Variants in TBC1D5 observed in about 807,000 individuals in gnomAD.
TBC1D5 encodes TBC1 domain family member 5, also known as TBC1 domain family, member 5.
A neutral mutation model predicts 100.3 loss-of-function variants in TBC1D5; 75 were observed. That is an observed-to-expected ratio of 0.75 (90% CI 0.62 to 0.91). The LOEUF (loss-of-function observed/expected upper bound fraction) is 0.91, where lower values mean the gene tolerates loss of function less well. Among genes scored for constraint, TBC1D5 ranks in the 40% least tolerant of loss-of-function variants. The pLI, the probability that TBC1D5 is intolerant of heterozygous loss-of-function variation, is 0.00. For synonymous variants in TBC1D5, 323 were observed against 325.6 expected (o/e 0.99, Z 0.09); for missense variants, 910 against 942.4 (o/e 0.97, Z 0.45).
At chr3:17,289,254 G>A (rs1277351839) in intron 15 of TBC1D5, among the ~76,000 whole-genome samples, 1 of 152,192 alleles carries the variant, frequency 6.6e-6, no homozygotes, top group East Asian at 1.9e-4. Context: ...AGTCACAGCA[G>A]CCACAGGATC....
chr3:17,475,332 A>G (rs1443522757), intron 3 of TBC1D5, among the ~76,000 whole-genome samples: 2 of 152,048 alleles, frequency 1.3e-5, no homozygotes, highest in Non-Finnish European at 2.9e-5. Flanking sequence ...AGACGTCACC[A>G]TACAAGGCAA....
At chr3:17,340,180 G>C (rs902441630) in intron 13 of TBC1D5, among the ~76,000 whole-genome samples, 4 of 152,126 alleles carry the variant, frequency 2.6e-5, no homozygotes, top group Non-Finnish European at 5.9e-5. Context: ...AGAGTTCTGT[G>C]TTTCCATTTC....
At chr3:17,496,552 A>T (rs902469267) in intron 3 of TBC1D5, among the ~76,000 whole-genome samples, 2 of 152,184 alleles carry the variant, frequency 1.3e-5, no homozygotes, top group Non-Finnish European at 2.9e-5. Flanking sequence ...CATAAAATGG[A>T]CCATATAGAA....
At chr3:17,490,330 T>C (rs2095623190) in intron 3 of TBC1D5, among the ~76,000 whole-genome samples, 1 of 152,220 alleles carries the variant, frequency 6.6e-6, no homozygotes, top group South Asian at 2.1e-4. Flanking sequence ...GCAGAAGCTC[T>C]TTATTTTAAT....
At chr3:17,504,923 T>C (rs900687957) in intron 3 of TBC1D5, among the ~76,000 whole-genome samples, 3 of 152,226 alleles carry the variant, frequency 2.0e-5, no homozygotes, top group Admixed American at 2.0e-4. Flanking sequence ...ACCAATTTCT[T>C]CATTAATAAA....
In TBC1D5 at chr3:17,422,468, T is replaced by A. The variant is rs374185607; in HGVS notation, c.167+5982A>T. Among the ~76,000 whole-genome samples, 5 of 151,928 alleles carry A rather than the reference T, an allele frequency of 3.3e-5. No homozygotes were observed. In the East Asian group the frequency reaches 9.6e-4, roughly 29 times the overall value. On this transcript the variant is annotated intron_variant, in intron 4 of 21. Transcript: ENST00000253692. ...TCCAAAAGCGCTGAGATTACTGGGG[T>A]AAGCCACTGAGCCTGCTCTCGTCCA...
intron 15 of TBC1D5, among the ~76,000 whole-genome samples, chr3:17,282,600 T>C (rs1353663599): frequency 6.6e-6 from 1 of 152,218 alleles, no homozygotes; most frequent in African/African-American, 2.4e-5. Flanking sequence ...TTCTAAAACA[T>C]GCCGAGCAAT....
chr3:17,731,179 CAAAATCACATA>C (rs1371054402), intron 1 of TBC1D5, among the ~76,000 whole-genome samples: 2 of 151,968 alleles, frequency 1.3e-5, no homozygotes, highest in Non-Finnish European at 2.9e-5. Context: ...TACTTTTTTA[CAAAATCACATA>C]ATATAAGGGA....
intron 4 of TBC1D5, among the ~76,000 whole-genome samples, chr3:17,408,580 CA>C (rs1040676880): frequency 1.3e-5 from 2 of 152,088 alleles, no homozygotes; most frequent in African/African-American, 4.8e-5. Context: ...CTCAGCCTCC[CA>C]AAGTGCTGGA....
intron 4 of TBC1D5, among the ~76,000 whole-genome samples, chr3:17,418,192 T>C (rs2094129258): frequency 6.6e-6 from 1 of 152,236 alleles, no homozygotes; most frequent in South Asian, 2.1e-4. Context: ...ATTGATTTTC[T>C]TCATATTTCT....
chr3:17,409,036 T>C (rs1367297711), intron 4 of TBC1D5, among the ~76,000 whole-genome samples: 1 of 152,154 alleles, frequency 6.6e-6, no homozygotes, highest in African/African-American at 2.4e-5. Context: ...TATTCAAAGA[T>C]GAGATTAGCA....
chr3:17,335,547 T>C lies in TBC1D5; in HGVS notation c.996-27413A>G, dbSNP rs544703329. Among the ~76,000 whole-genome samples the C allele has an allele frequency of 3.9e-5, 6 of 152,244 alleles. No individual in the cohort carries two copies. The South Asian group carries it at 6.2e-4, about 16-fold the overall frequency. ...ATTTAAAAAATTTCCTTGGTGATAATTGCTTTACTTTTTATCCACAAAAAG... is the reference window on the plus strand; with the variant it reads ...ATTTAAAAAATTTCCTTGGTGATAACTGCTTTACTTTTTATCCACAAAAAG... On this transcript the variant is annotated intron_variant, in intron 13 of 21. Coordinates refer to ENST00000253692, the Ensembl canonical transcript of TBC1D5.
At chr3:17,642,932 GAA>G (rs2064665202) in intron 1 of TBC1D5, among the ~76,000 whole-genome samples, 1 of 152,022 alleles carries the variant, frequency 6.6e-6, no homozygotes, top group South Asian at 2.1e-4. Flanking sequence ...TTTTTCTAAT[GAA>G]AACACCATAC....
chr3:17,612,613 A>G (rs1352353560), intron 2 of TBC1D5, among the ~76,000 whole-genome samples: 1 of 152,102 alleles, frequency 6.6e-6, no homozygotes, highest in Non-Finnish European at 1.5e-5. Flanking sequence ...CTGGGTGACA[A>G]GAGTGATACT....
chr3:17,489,912 A>G (rs2095617572), intron 3 of TBC1D5, among the ~76,000 whole-genome samples: 2 of 152,156 alleles, frequency 1.3e-5, no homozygotes, highest in South Asian at 4.1e-4. Flanking sequence ...TTCTGCCTTT[A>G]GGTCTTTGAG....
intron 2 of TBC1D5, among the ~76,000 whole-genome samples, chr3:17,547,545 A>G (rs2096430856): frequency 6.6e-6 from 1 of 152,192 alleles, no homozygotes; most frequent in Non-Finnish European, 1.5e-5. Context: ...GAATGTTCCC[A>G]TTTCTTTCTT....
intron 8 of TBC1D5, among the ~76,000 whole-genome samples, chr3:17,384,541 A>C (rs1326046651): frequency 2.0e-5 from 3 of 152,060 alleles, no homozygotes; most frequent in African/African-American, 2.4e-5. Context: ...AAGAACCCAA[A>C]GAGAAAACCC....
intron 2 of TBC1D5, among the ~76,000 whole-genome samples, chr3:17,617,089 G>T (rs1428170110): frequency 6.6e-6 from 1 of 152,168 alleles, no homozygotes; most frequent in Non-Finnish European, 1.5e-5. Flanking sequence ...GAGGCCTGGT[G>T]ATGACAAAAT....
chr3:17,568,204 A>AAT (rs1332896280), intron 2 of TBC1D5, among the ~76,000 whole-genome samples: 3 of 151,396 alleles, frequency 2.0e-5, no homozygotes, highest in Non-Finnish European at 3.0e-5. Flanking sequence ...AAGAATATAA[A>AAT]ATATATATAT....
Sources: allele counts gnomAD v4.1 joint callset (sites outside exome capture counted in the v4.1 genomes callset), GRCh38; gene constraint gnomAD v4.1.1; transcripts MANE v1.5; gene names NCBI Gene and HGNC (gene_info 2026-07-23, HGNC 2026-07-21).